The following PRELID2 variants were observed in gnomAD, a reference collection of about 807,000 sequenced individuals.
PRELID2 encodes the protein PRELI domain-containing protein 2.
PRELID2 carries 25 observed loss-of-function variants against 28.4 expected under a neutral mutation model. The observed-to-expected ratio is 0.88, with a 90% confidence interval of 0.64 to 1.23. The LOEUF is 1.23. Among genes scored for constraint, PRELID2 ranks in the 50% most tolerant of loss-of-function variants. The probability of loss-of-function intolerance (pLI) is 0.00; values close to 1 mark genes in which losing one functional copy is unlikely to be tolerated. For missense variants in PRELID2, 201 were observed against 214.4 expected (o/e 0.94, Z 0.39); for synonymous variants, 76 against 71.6 (o/e 1.06, Z -0.31).
chr5:145,412,733 C>T, the PRELID2 span, among the ~76,000 whole-genome samples: 1 of 152,112 alleles, frequency 6.6e-6, no homozygotes, highest in Admixed American at 6.5e-5. Context: ...ATTAGTTTGT[C>T]CTCAAACTGC....
the PRELID2 span, among the ~76,000 whole-genome samples, chr5:145,439,330 C>T: frequency 4.6e-5 from 7 of 152,162 alleles, no homozygotes; most frequent in African/African-American, 1.7e-4. Flanking sequence ...GGCGCATCAG[C>T]AACTCAGAGG....
At chr5:145,717,769 G>A (rs892041021) in intron 1 of PRELID2, among the ~76,000 whole-genome samples, 2 of 151,082 alleles carry the variant, frequency 1.3e-5, no homozygotes, top group African/African-American at 4.8e-5. Context: ...AGTAAAATGG[G>A]CCCTAATATT....
the PRELID2 span, among the ~76,000 whole-genome samples, chr5:145,332,437 C>T: frequency 2.6e-5 from 4 of 151,996 alleles, no homozygotes; most frequent in Admixed American, 1.3e-4. Context: ...TCACATAGTC[C>T]CATATTTCTA....
chr5:145,642,351 T>G (rs555941106), intron 1 of PRELID2, among the ~76,000 whole-genome samples: 6 of 152,352 alleles, frequency 3.9e-5, no homozygotes, highest in African/African-American at 4.8e-5. Flanking sequence ...TGCCCACTTT[T>G]TGAAGGGGTT....
At chr5:145,414,664 A>G in the PRELID2 span, among the ~76,000 whole-genome samples, 1 of 152,242 alleles carries the variant, frequency 6.6e-6, no homozygotes, top group Non-Finnish European at 1.5e-5. Context: ...CAATGCATAC[A>G]AAACTGACCT....
intron 1 of PRELID2, chr5:145,704,251 A>G (rs1324988815): frequency 6.6e-6 from 1 of 152,208 alleles, no homozygotes; most frequent in African/African-American, 2.4e-5. Flanking sequence ...CAACCAGGAG[A>G]AAATTCCAAA....
At chr5:145,252,675 C>T in the PRELID2 span, among the ~76,000 whole-genome samples, 1 of 151,924 alleles carries the variant, frequency 6.6e-6, no homozygotes, top group Non-Finnish European at 1.5e-5. Context: ...GATGACAATA[C>T]CTTAGATCAA....
the PRELID2 span, among the ~76,000 whole-genome samples, chr5:145,463,031 A>C: frequency 6.6e-6 from 1 of 152,182 alleles, no homozygotes; most frequent in Admixed American, 6.5e-5. Context: ...AAAAATAAAT[A>C]AATAAAAAGT....
At chr5:145,365,363 A>G in the PRELID2 span, among the ~76,000 whole-genome samples, 1,271 of 152,054 alleles carry the variant, frequency 8.4e-3, 50 homozygotes, top group East Asian at 0.08. Context: ...ATATCAAAAC[A>G]TCACATTGTA....
At chr5:145,621,823 T>G (rs6881485) in intron 1 of PRELID2, among the ~76,000 whole-genome samples, 28,329 of 152,084 alleles carry the variant, frequency 0.19, 4,552 homozygotes, top group African/African-American at 0.42. Flanking sequence ...ATATTTTCAA[T>G]AAGCTAGAAG....
chr5:145,614,534 G>C (rs1178588770), intron 1 of PRELID2, among the ~76,000 whole-genome samples: 2 of 152,180 alleles, frequency 1.3e-5, no homozygotes, highest in East Asian at 3.9e-4. Flanking sequence ...AGGTCTTTCA[G>C]CTCCTTGGTT....
At chr5:145,662,765 CAG>C (rs1581036499) in intron 1 of PRELID2, among the ~76,000 whole-genome samples, 1 of 152,106 alleles carries the variant, frequency 6.6e-6, no homozygotes, top group East Asian at 1.9e-4. Context: ...TGGGACTCTA[CAG>C]AGAGTCACCA....
At chr5:145,627,727 C>T (rs1753872074) in intron 1 of PRELID2, among the ~76,000 whole-genome samples, 1 of 152,124 alleles carries the variant, frequency 6.6e-6, no homozygotes, top group South Asian at 2.1e-4. Flanking sequence ...TCAACCCATC[C>T]ACAACCACTA....
At chr5:145,563,975 G>A (rs529921228) in intron 1 of PRELID2, among the ~76,000 whole-genome samples, 28 of 152,306 alleles carry the variant, frequency 1.8e-4, no homozygotes, top group East Asian at 1.5e-3. Context: ...TTAATTCACC[G>A]ACTGTCAAAG....
chr5:145,280,557 C>T, the PRELID2 span, among the ~76,000 whole-genome samples: 5,351 of 151,866 alleles, frequency 0.035, 314 homozygotes, highest in African/African-American at 0.12. Context: ...TGCTAAAGGA[C>T]GAGTTAATGG....
chr5:145,489,374 A>C (rs1448273254), intron 1 of PRELID2, among the ~76,000 whole-genome samples: 1 of 152,216 alleles, frequency 6.6e-6, no homozygotes, highest in Non-Finnish European at 1.5e-5. Flanking sequence ...TAGTGATAGT[A>C]ATACTGTTAA....
the PRELID2 span, among the ~76,000 whole-genome samples, chr5:145,397,419 G>T: frequency 6.6e-6 from 1 of 152,132 alleles, no homozygotes; most frequent in Non-Finnish European, 1.5e-5. Flanking sequence ...TGAGGGACCA[G>T]AAGAAATAAG....
the PRELID2 span, among the ~76,000 whole-genome samples, chr5:145,339,621 G>A: frequency 1.7e-4 from 26 of 152,082 alleles, no homozygotes; most frequent in Admixed American, 1.6e-3. Context: ...GTTGCTGTAG[G>A]GCCAAGAAGG....
the PRELID2 span, among the ~76,000 whole-genome samples, chr5:145,250,124 GT>G: frequency 6.6e-6 from 1 of 152,022 alleles, no homozygotes; most frequent in African/African-American, 2.4e-5. Context: ...ATTGGATAAG[GT>G]TTTGTGTTCT....
Sources: allele counts gnomAD v4.1 joint callset (sites outside exome capture counted in the v4.1 genomes callset), GRCh38; gene constraint gnomAD v4.1.1; transcripts MANE v1.5; gene names NCBI Gene and HGNC (gene_info 2026-07-23, HGNC 2026-07-21).